B3GALT1: variants seen among roughly 807,000 people sequenced by gnomAD.
B3GALT1 encodes the protein UDP-Gal:betaGlcNAc beta 1,3-galactosyltransferase, polypeptide 1.
In B3GALT1, 10 loss-of-function variants were observed where a neutral mutation model predicts 23.2. That is an observed-to-expected ratio of 0.43 (90% CI 0.27 to 0.73). B3GALT1 has a LOEUF of 0.73. Ranked by LOEUF, B3GALT1 falls within the 30% of genes least tolerant of loss-of-function variation. B3GALT1 has a pLI of 0.21. For missense variants in B3GALT1, 299 were observed against 405.4 expected (o/e 0.74, Z 2.25); for synonymous variants, 156 against 141.5 (o/e 1.10, Z -0.73).
intron 4 of B3GALT1, among the ~76,000 whole-genome samples, chr2:167,851,938 C>G (rs753941177): frequency 6.6e-6 from 1 of 152,134 alleles, no homozygotes; most frequent in South Asian, 2.1e-4. Flanking sequence ...TCACCCTGCT[C>G]CTATTACCCA....
chr2:167,590,692 A>G (rs1684664772), intron 2 of B3GALT1, among the ~76,000 whole-genome samples: 1 of 152,224 alleles, frequency 6.6e-6, no homozygotes, highest in Non-Finnish European at 1.5e-5. Context: ...ATTTTCTAAC[A>G]CTAAGCTACT....
chr2:167,823,270 T>A lies in B3GALT1; in HGVS notation c.-230+4477T>A, dbSNP rs73021244. ...AAATTTAGGGCTTATTTGTTACAGC[T>A]GCTGGTGTGGACCTAACAGAGAGTA... On this transcript the variant is annotated intron_variant, in intron 4 of 4. Transcript: ENST00000392690. Among the ~76,000 whole-genome samples the A allele has an allele frequency of 4.6e-5, 7 of 152,312 alleles. No homozygotes were observed. The East Asian group carries it at 1.4e-3, about 29-fold the overall frequency.
intron 1 of B3GALT1, among the ~76,000 whole-genome samples, chr2:167,316,124 A>G (rs541844408): frequency 6.6e-6 from 1 of 151,040 alleles, no homozygotes; most frequent in Admixed American, 6.5e-5. Context: ...ATAGAGGGGA[A>G]AATGGGAGAA....
intron 3 of B3GALT1, among the ~76,000 whole-genome samples, chr2:167,758,381 G>A (rs544486503): frequency 5.9e-5 from 9 of 152,164 alleles, no homozygotes; most frequent in South Asian, 4.2e-4. Flanking sequence ...CCCCAGTCCT[G>A]GGCTCAGAGA....
At chr2:167,785,557 A>T (rs895666527) in intron 3 of B3GALT1, among the ~76,000 whole-genome samples, 1 of 152,242 alleles carries the variant, frequency 6.6e-6, no homozygotes, top group Non-Finnish European at 1.5e-5. Context: ...TCAAATGAAC[A>T]GTATAATTTT....
intron 2 of B3GALT1, among the ~76,000 whole-genome samples, chr2:167,512,540 ATATATGTATATATATG>A (rs1206267238): frequency 1.3e-5 from 1 of 75,876 alleles, no homozygotes; most frequent in Non-Finnish European, 2.3e-5. Flanking sequence ...GTGTGTATAT[ATATATGTATATATATG>A]TATATATATA....
At chr2:167,652,929 T>C (rs183680852) in intron 3 of B3GALT1, among the ~76,000 whole-genome samples, 92 of 152,302 alleles carry the variant, frequency 6.0e-4, no homozygotes, top group African/African-American at 2.1e-3. Flanking sequence ...TGTGTATTTA[T>C]ATGGATGTGT....
chr2:167,492,699 C>G (rs1016087477), intron 2 of B3GALT1, among the ~76,000 whole-genome samples: 1 of 152,136 alleles, frequency 6.6e-6, no homozygotes, highest in African/African-American at 2.4e-5. Flanking sequence ...TTTTCATGGT[C>G]TCATGTTCTA....
intron 1 of B3GALT1, among the ~76,000 whole-genome samples, chr2:167,460,095 T>A (rs1454808350): frequency 6.6e-6 from 1 of 152,212 alleles, no homozygotes; most frequent in East Asian, 1.9e-4. Flanking sequence ...GTGAATCCGT[T>A]TGAGTTCATC....
At chr2:167,431,223 C>T (rs73972270) in intron 1 of B3GALT1, among the ~76,000 whole-genome samples, 4,795 of 152,192 alleles carry the variant, frequency 0.032, 137 homozygotes, top group African/African-American at 0.075. Flanking sequence ...ATATTTTCCT[C>T]AGAAAACAAT....
chr2:167,351,955 ATTTTTT>A (rs71031283), intron 1 of B3GALT1, among the ~76,000 whole-genome samples: 12 of 134,306 alleles, frequency 8.9e-5, no homozygotes, highest in South Asian at 2.4e-4. Flanking sequence ...GCTGTTTTTG[ATTTTTT>A]TTTTTTTTTT....
chr2:167,819,312 A>G (rs186939608), intron 4 of B3GALT1, among the ~76,000 whole-genome samples: 29 of 152,370 alleles, frequency 1.9e-4, no homozygotes, highest in African/African-American at 5.5e-4. Flanking sequence ...TTGTGCTTCA[A>G]TCATTTCTTA....
chr2:167,788,703 G>T (rs1240822645), intron 3 of B3GALT1, among the ~76,000 whole-genome samples: 1 of 152,052 alleles, frequency 6.6e-6, no homozygotes, highest in African/African-American at 2.4e-5. Context: ...GTACCAGTCT[G>T]TGGCCCAGGG....
chr2:167,484,749 C>A (rs1699601700), intron 1 of B3GALT1, among the ~76,000 whole-genome samples: 1 of 152,126 alleles, frequency 6.6e-6, no homozygotes, highest in African/African-American at 2.4e-5. Context: ...AGGTGCTTAA[C>A]TCTCAGCTAA....
chr2:167,709,106 G>A (rs1170966814), intron 3 of B3GALT1, among the ~76,000 whole-genome samples: 1 of 152,186 alleles, frequency 6.6e-6, no homozygotes, highest in Non-Finnish European at 1.5e-5. Flanking sequence ...CCAAAAAGCA[G>A]ACAAAGCAAG....
chr2:167,359,877 AC>A, intron 1 of B3GALT1, among the ~76,000 whole-genome samples: 1 of 152,146 alleles, frequency 6.6e-6, no homozygotes, highest in East Asian at 1.9e-4. Flanking sequence ...TAGTGTTATT[AC>A]ATGTTATTAG....
chr2:167,836,142 C>G (rs1454617879), intron 4 of B3GALT1, among the ~76,000 whole-genome samples: 2 of 152,206 alleles, frequency 1.3e-5, no homozygotes, highest in Non-Finnish European at 2.9e-5. Context: ...TCCAAAGTAT[C>G]GCAGTTCCTC....
chr2:167,864,376 G>T (rs1690168331), intron 4 of B3GALT1, among the ~76,000 whole-genome samples: 1 of 152,098 alleles, frequency 6.6e-6, no homozygotes, highest in African/African-American at 2.4e-5. Context: ...CCAACACAGT[G>T]AGACCTTGTC....
intron 1 of B3GALT1, among the ~76,000 whole-genome samples, chr2:167,336,020 AC>A (rs1559068789): frequency 1.3e-5 from 2 of 151,988 alleles, no homozygotes; most frequent in South Asian, 2.1e-4. Flanking sequence ...TTAAAAAAAA[AC>A]GATATTTTGC....
Sources: allele counts gnomAD v4.1 joint callset (sites outside exome capture counted in the v4.1 genomes callset), GRCh38; gene constraint gnomAD v4.1.1; transcripts MANE v1.5; gene names NCBI Gene and HGNC (gene_info 2026-07-23, HGNC 2026-07-21).